The following IGSF9 variants were observed in gnomAD, a reference collection of about 807,000 sequenced individuals.
IGSF9 encodes immunoglobulin superfamily member 9.
In IGSF9, 87 loss-of-function variants were observed where a neutral mutation model predicts 121.7. That is an observed-to-expected ratio of 0.71 (90% confidence interval 0.60 to 0.85). The LOEUF is 0.85. IGSF9 is among the 40% of genes least tolerant of loss of function. The pLI, the probability that IGSF9 is intolerant of heterozygous loss-of-function variation, is 0.00. For missense variants in IGSF9, 1,462 were observed against 1,565.3 expected (o/e 0.93, Z 1.11); for synonymous variants, 640 against 648.4 (o/e 0.99, Z 0.20).
intron 3 of IGSF9, among the ~76,000 whole-genome samples, chr1:159,941,742 G>C (rs1651386973): frequency 6.6e-6 from 1 of 152,234 alleles, no homozygotes; most frequent in Non-Finnish European, 1.5e-5. Flanking sequence ...GGCAGCCCGA[G>C]ACCCCTCCCA....
At position 159,929,902 on chromosome 1, in the gene IGSF9, A is replaced by G. The variant is rs1429660938; in HGVS notation, c.2138T>C (p.Val713Ala). 6.3e-7 allele frequency: 1 copy of G among 1,575,124 alleles called. No homozygotes were observed. The highest frequency in any genetic ancestry group is 2.4e-5 in the East Asian group (1 of 42,452). ...FVSDPSNTAN[V>A]STSGLEVYPS... ...CGCCAGGTGCTCACCGGAAGTGGAGACGTTGGCCGTGTTGCTGGGGTCGCT... is the reference window on the plus strand; with the variant it reads ...CGCCAGGTGCTCACCGGAAGTGGAGGCGTTGGCCGTGTTGCTGGGGTCGCT... The change falls in exon 16 of 21, where the codon GTC becomes GCC. Residue 713 changes from valine to alanine, a missense_variant. Coordinates refer to ENST00000368094, the MANE Select transcript of IGSF9 (RefSeq NM_001135050.2).
In IGSF9 at chr1:159,934,870, C is replaced by A. The variant is rs372360398; in HGVS notation, c.674-48G>T. 1.9e-6 allele frequency: 3 copies of A among 1,609,674 alleles called. No homozygotes were observed. The African/African-American group carries it at 4.0e-5, about 22-fold the overall frequency. ...AAGGTGGCCTCAGCCCACAGTCTTC[C>A]CAGAACCCTGAGGTCACCTCTACAA... On this transcript the variant is annotated intron_variant, in intron 6 of 20. Transcript: ENST00000368094.
Position 159,931,622 on chromosome 1 carries a change from G to T in IGSF9, c.1363-19C>A. Reference sequence around the variant, plus strand: ...GGCCCACCTACAGAACCACTGGTGAGCCCTGAGGACACACGCAGCCACCCC... The same window carrying T: ...GGCCCACCTACAGAACCACTGGTGATCCCTGAGGACACACGCAGCCACCCC... On this transcript the variant is annotated intron_variant, in intron 11 of 20. Coordinates refer to ENST00000368094, the MANE Select transcript of IGSF9 (RefSeq NM_001135050.2). This position sits in a 1 kb window ranked among gnomAD's most constrained non-coding sequence, Gnocchi z 4.8. The T allele has an allele frequency of 6.2e-7, 1 of 1,610,902 alleles. No individual in the cohort carries two copies. Among genetic ancestry groups the T allele is most frequent in the Non-Finnish European group, 8.5e-7 (1 of 1,178,158 alleles).
At position 159,932,182 on chromosome 1, in the gene IGSF9, A is replaced by G. The variant is rs12127258; in HGVS notation, c.1246-254T>C. On this transcript the variant is annotated intron_variant, in intron 10 of 20. Coordinates refer to ENST00000368094, the MANE Select transcript of IGSF9 (RefSeq NM_001135050.2). The surrounding 1 kb of genome is among the most constrained non-coding windows in gnomAD (Gnocchi z 4.1). ...GTAAGGGCTGGCAGGCTTAGGCAGGACTCTCAGAGATGTACAAACCTCTGC... is the reference window on the plus strand; with the variant it reads ...GTAAGGGCTGGCAGGCTTAGGCAGGGCTCTCAGAGATGTACAAACCTCTGC... 29,434 of 564,704 alleles carry G rather than the reference A, an allele frequency of 0.052. 921 individuals carry two copies. Among genetic ancestry groups the G allele is most frequent in the Non-Finnish European group, 0.063 (20,112 of 319,732 alleles). 35.0% of individuals were successfully genotyped at this position (564,704 alleles called of 1,614,324 possible).
chr1:159,943,795 G>A (rs962135642), intron 1 of IGSF9, among the ~76,000 whole-genome samples, 167 bp from the exon 2 acceptor site: 1 of 152,048 alleles, frequency 6.6e-6, no homozygotes, highest in Non-Finnish European at 1.5e-5. Flanking sequence ...AAGAGCAGGG[G>A]TAGGAGTACT....
chr1:159,927,388 T>C lies in IGSF9; in HGVS notation c.3497A>G (p.Tyr1166Cys), dbSNP rs1200757290. ...RDATRARLPA[Y>C]RQPVPHPEQA... ...TTCGGGGTGGGGGACTGGCTGTCGA[T>C]AGGCTGGTAGCCGAGCCCTAGTAGC... Residue 1166 changes from tyrosine (Y) to cysteine (C), a missense_variant, in exon 21 of 21, where the codon TAT (tyrosine) becomes TGT (cysteine). Transcript: ENST00000368094. 21 of 1,613,412 alleles carry C rather than the reference T, an allele frequency of 1.3e-5. No individual in the cohort carries two copies. Among genetic ancestry groups the C allele is most frequent in the East Asian group, 2.2e-5 (1 of 44,894 alleles).
At position 159,929,978 on chromosome 1, in the gene IGSF9, G is replaced by A; in HGVS notation, c.2065-3C>T. On this transcript the variant is annotated splice_polypyrimidine_tract_variant and splice_region_variant and intron_variant, in intron 15 of 20. Transcript: ENST00000368094. ...AGGCGGAACTCGTAGAGAACATCCTGCGATGGGGATGGGGTACCAGGAGGG... is the reference window on the plus strand; with the variant it reads ...AGGCGGAACTCGTAGAGAACATCCTACGATGGGGATGGGGTACCAGGAGGG... 1.3e-6 allele frequency: 2 copies of A among 1,591,464 alleles called. No individual in the cohort carries two copies. Among genetic ancestry groups the A allele is most frequent in the Admixed American group, 1.8e-5 (1 of 56,252 alleles).
rs1386757559 is a variant in IGSF9, at chr1:159,932,692, A to G, written c.1105-40T>C. On this transcript the variant is annotated intron_variant, in intron 9 of 20. Coordinates refer to ENST00000368094, the MANE Select transcript of IGSF9 (RefSeq NM_001135050.2). This position sits in a 1 kb window ranked among gnomAD's most constrained non-coding sequence, Gnocchi z 4.1. ...AGATGACAGCTAGAGAGAGGAGCTC[A>G]GCAGAGACAAGCCCGGGATGGCAGT... 1.3e-6 allele frequency: 2 copies of G among 1,574,322 alleles called. No individual in the cohort carries two copies. Among genetic ancestry groups the G allele is most frequent in the Non-Finnish European group, 1.7e-6 (2 of 1,155,336 alleles).
chr1:159,937,796 C>A lies in IGSF9; in HGVS notation c.290G>T (p.Gly97Val), dbSNP rs760412086. 6 of 1,614,112 alleles carry A rather than the reference C, an allele frequency of 3.7e-6. No homozygotes were observed. In the Admixed American group the frequency reaches 1.0e-4, roughly 27 times the overall value. ...LQKGASLQIEGLRVEDQGWYE... is the reference protein window; with the variant it reads ...LQKGASLQIEVLRVEDQGWYE... ...CCAGCCCTGGTCTTCCACCCGGAGA[C>A]CCTCAATCTGGAGAGAGGCCCCCTT... Residue 97 changes from glycine to valine, a missense_variant, in exon 4 of 21, where the codon GGT becomes GTT. Physicochemically the swap from Gly to Val is moderately radical, Grantham distance 109. Transcript: ENST00000368094.
Position 159,928,143 on chromosome 1 carries a change from A to G in IGSF9, c.3230+15T>C, listed in dbSNP as rs1650812527. ...GACTGAGGCGGAGGCAGGGATGGGC[A>G]GGGACTGCTCTCACCTCTTGCTGAC... On this transcript the variant is annotated intron_variant, in intron 19 of 20. Coordinates refer to ENST00000368094, the MANE Select transcript of IGSF9 (RefSeq NM_001135050.2). The G allele has an allele frequency of 1.2e-6, 2 of 1,602,094 alleles. No individual in the cohort carries two copies. The highest frequency in any genetic ancestry group is 1.7e-5 in the Admixed American group (1 of 59,814).
In IGSF9 at chr1:159,931,899, C is replaced by T. The variant is rs769778678; in HGVS notation, c.1275G>A (p.Lys425=). 5 of 1,596,438 alleles carry T rather than the reference C, an allele frequency of 3.1e-6. No individual in the cohort carries two copies. The South Asian group carries it at 5.7e-5, about 18-fold the overall frequency. ...GCCCTACTTCTTGGAAATATTCTTC[C>T]TTGGGCCGCTCTATAAAAGCTGGGG... ...KAPPAFIERP[K]EEYFQEVGRE... Residue 425 remains lysine (K), a synonymous_variant, in exon 11 of 21, where the codon AAG becomes AAA. Coordinates refer to ENST00000368094, the MANE Select transcript of IGSF9 (RefSeq NM_001135050.2). This position sits in a 1 kb window ranked among gnomAD's most constrained non-coding sequence, Gnocchi z 4.8.
rs755842298 is a variant in IGSF9, at chr1:159,931,193, C to T, written c.1582G>A (p.Glu528Lys). Residue 528 changes from glutamate to lysine, a missense_variant, in exon 13 of 21, where the codon GAG becomes AAG. Physicochemically the swap from Glu to Lys is moderately conservative, Grantham distance 56. Around this residue, in one of 3 missense-constraint regions of IGSF9, gnomAD observed 96 missense variants for 150.7 expected, o/e 0.64. Coordinates refer to ENST00000368094, the MANE Select transcript of IGSF9 (RefSeq NM_001135050.2). The surrounding 1 kb of genome is among the most constrained non-coding windows in gnomAD (Gnocchi z 4.8). The part of the protein sequence containing the change: ...ALPKGANVSW[E>K]PGFDGGYLQR... ...AGATAACCACCATCAAAGCCAGGCTCCCAGGAGACATTGGCACCCTTGGGC... is the reference window on the plus strand; with the variant it reads ...AGATAACCACCATCAAAGCCAGGCTTCCAGGAGACATTGGCACCCTTGGGC... The T allele has an allele frequency of 1.9e-6, 3 of 1,613,994 alleles. No individual in the cohort carries two copies. Among genetic ancestry groups the T allele is most frequent in the African/African-American group, 1.3e-5 (1 of 74,914 alleles).
At chr1:159,941,418 T>C (rs879335121) in intron 3 of IGSF9, among the ~76,000 whole-genome samples, 1 of 152,224 alleles carries the variant, frequency 6.6e-6, no homozygotes, top group Non-Finnish European at 1.5e-5. Flanking sequence ...CTCAGCCGGC[T>C]CTGGCCTGAC....
chr1:159,930,852 G>A lies in IGSF9; in HGVS notation c.1653C>T (p.Asp551=), dbSNP rs1650971354. The change falls in exon 14 of 21, where the codon GAC becomes GAT. Residue 551 remains aspartate (D), a synonymous_variant. Coordinates refer to ENST00000368094, the MANE Select transcript of IGSF9 (RefSeq NM_001135050.2). ...VWYTPLAKRP[D]RMHHDWVSLA... Reference sequence around the variant, plus strand: ...AGGACACCCAGTCATGGTGCATTCGGTCAGGACGCTTGGCCCTGGGAGACA... The same window carrying A: ...AGGACACCCAGTCATGGTGCATTCGATCAGGACGCTTGGCCCTGGGAGACA... 6.2e-7 allele frequency: 1 copy of A among 1,608,282 alleles called. No individual in the cohort carries two copies. Among genetic ancestry groups the A allele is most frequent in the South Asian group, 1.1e-5 (1 of 90,450 alleles).
Position 159,931,460 on chromosome 1 carries a change from G to A in IGSF9, c.1506C>T (p.Tyr502=), listed in dbSNP as rs145015387. 8.1e-3 allele frequency: 13,075 copies of A among 1,613,562 alleles called. 77 individuals are homozygous for A. Among genetic ancestry groups the A allele is most frequent in the Non-Finnish European group, 9.5e-3 (11,228 of 1,179,568 alleles). ...CTCTCTCCAGCCACTAACCCAGCAC[G>A]TAGACGTTCGTGGAGGTGGCCACTC... ...VARVATSTNV[Y]VLGTSPHVVT... The change falls in exon 12 of 21, where the codon TAC becomes TAT. Residue 502 remains tyrosine, a synonymous_variant. Transcript: ENST00000368094. The surrounding 1 kb of genome is among the most constrained non-coding windows in gnomAD (Gnocchi z 4.8).
intron 16 of IGSF9, 37 bp from the exon 17 acceptor site, chr1:159,929,851 G>C (rs189528783): frequency 1.8e-5 from 29 of 1,589,426 alleles, no homozygotes; most frequent in Non-Finnish European, 2.3e-5. Flanking sequence ...CAGTGGACTC[G>C]GAGCAGCCCT....
In IGSF9 at chr1:159,929,889, A is replaced by C; in HGVS notation, c.2149+2T>G. 6.3e-7 allele frequency: 1 copy of C among 1,575,600 alleles called. No homozygotes were observed. Among genetic ancestry groups the C allele is most frequent in the Non-Finnish European group, 8.6e-7 (1 of 1,161,252 alleles). On this transcript the variant is annotated splice_donor_variant, in intron 16 of 20. Coordinates refer to ENST00000368094, the MANE Select transcript of IGSF9 (RefSeq NM_001135050.2). LOFTEE classifies it high-confidence loss of function. ...GGCTCCTCCCTCACGCCAGGTGCTCACCGGAAGTGGAGACGTTGGCCGTGT... is the reference window on the plus strand; with the variant it reads ...GGCTCCTCCCTCACGCCAGGTGCTCCCCGGAAGTGGAGACGTTGGCCGTGT...
intron 1 of IGSF9, among the ~76,000 whole-genome samples, chr1:159,944,185 A>G (rs1188305097): frequency 1.3e-5 from 2 of 152,108 alleles, no homozygotes; most frequent in African/African-American, 4.8e-5. Context: ...TAAGCCTCAG[A>G]AAGTGGTCCC....
At chr1:159,930,488 C>T (rs1376081325) in intron 14 of IGSF9, 49 bp from the exon 15 acceptor site, 1 of 1,518,652 alleles carries the variant, frequency 6.6e-7, no homozygotes, top group Non-Finnish European at 8.8e-7. Flanking sequence ...CAGCGCCCCT[C>T]CCCTGGCCTT....
Sources: allele counts gnomAD v4.1 joint callset (sites outside exome capture counted in the v4.1 genomes callset), GRCh38; gene constraint gnomAD v4.1.1; regional missense constraint gnomAD v4.1.1; non-coding constraint Gnocchi (gnomAD v3.1); transcripts MANE v1.5; gene names NCBI Gene and HGNC (gene_info 2026-07-23, HGNC 2026-07-21).